SMYD3: variants seen among roughly 807,000 people sequenced by gnomAD.
SMYD3 encodes the protein SET and MYND domain containing 3.
A neutral mutation model predicts 57.7 loss-of-function variants in SMYD3; 36 were observed. The ratio of observed to expected loss-of-function variants is 0.62; its 90% CI spans 0.48 to 0.82. SMYD3 has a LOEUF of 0.82. Ranked by LOEUF, SMYD3 falls within the 40% of genes least tolerant of loss-of-function variation. SMYD3 has a pLI of 0.00. For missense variants in SMYD3, 515 were observed against 538.8 expected, an observed-to-expected ratio of 0.96 and a Z score of 0.44; for synonymous variants, 211 against 195.0, an observed-to-expected ratio of 1.08 and a Z score of -0.68.
intron 11 of SMYD3, among the ~76,000 whole-genome samples, chr1:245,759,891 G>GA (rs902194107): frequency 4.7e-5 from 7 of 150,432 alleles, no homozygotes; most frequent in African/African-American, 1.2e-4. Flanking sequence ...GGGTTCACAG[G>GA]AAAAAAAACA....
intron 8 of SMYD3, among the ~76,000 whole-genome samples, chr1:245,866,335 T>A (rs1441980947): frequency 1.3e-5 from 2 of 150,622 alleles, no homozygotes; most frequent in Non-Finnish European, 2.9e-5. Flanking sequence ...TATAGTAGAG[T>A]GGATTTTAAA....
intron 1 of SMYD3, among the ~76,000 whole-genome samples, chr1:246,449,556 T>C (rs2067600572): frequency 6.6e-6 from 1 of 152,214 alleles, no homozygotes; most frequent in African/African-American, 2.4e-5. Context: ...ATGCAAGTTC[T>C]ATAATCTCTT....
At chr1:246,042,250 G>A (rs1383045363) in intron 5 of SMYD3, among the ~76,000 whole-genome samples, 3 of 152,064 alleles carry the variant, frequency 2.0e-5, no homozygotes, top group African/African-American at 4.8e-5. Flanking sequence ...AAATACTTAC[G>A]TTTCTCTGGA....
chr1:245,774,917 G>C (rs1464944707), intron 10 of SMYD3, among the ~76,000 whole-genome samples: 1 of 152,164 alleles, frequency 6.6e-6, no homozygotes, highest in African/African-American at 2.4e-5. Flanking sequence ...TGGCCGGGCT[G>C]GTCTCCAGCT....
chr1:246,481,223 T>C (rs1345943825), intron 1 of SMYD3, among the ~76,000 whole-genome samples: 3 of 152,144 alleles, frequency 2.0e-5, no homozygotes, highest in African/African-American at 7.2e-5. Flanking sequence ...TCTGTAATGG[T>C]TGATTTCACA....
intron 5 of SMYD3, among the ~76,000 whole-genome samples, chr1:246,273,138 T>TTTTTC (rs2064254985): frequency 7.9e-6 from 1 of 126,736 alleles, no homozygotes; most frequent in African/African-American, 3.6e-5. Context: ...CTGTTTTCTT[T>TTTTTC]TTTTTTTTTT....
intron 8 of SMYD3, among the ~76,000 whole-genome samples, chr1:245,897,773 G>A (rs931001756): frequency 1.4e-4 from 22 of 151,896 alleles, no homozygotes; most frequent in Non-Finnish European, 2.5e-4. Flanking sequence ...GGTGCGCGGC[G>A]CCTGTAATCC....
At chr1:245,837,510 G>A (rs893363105) in intron 10 of SMYD3, among the ~76,000 whole-genome samples, 3 of 152,114 alleles carry the variant, frequency 2.0e-5, no homozygotes, top group African/African-American at 4.8e-5. Flanking sequence ...TCCTGCAGTC[G>A]TGGGAGATGA....
intron 10 of SMYD3, among the ~76,000 whole-genome samples, chr1:245,797,828 CAA>C (rs559088835): frequency 0.41 from 45,188 of 109,338 alleles, 9,625 homozygotes; most frequent in Middle Eastern, 0.55. Flanking sequence ...TTCCGGGTTC[CAA>C]AAAAAAAAAA....
intron 5 of SMYD3, among the ~76,000 whole-genome samples, chr1:246,102,755 AAAT>A (rs1553289393): frequency 8.2e-5 from 12 of 147,002 alleles, no homozygotes; most frequent in East Asian, 6.0e-4. Context: ...AAAAAAAAAA[AAAT>A]AATAATAATA....
At chr1:245,882,289 T>C (rs141645115) in intron 8 of SMYD3, among the ~76,000 whole-genome samples, 5 of 152,300 alleles carry the variant, frequency 3.3e-5, no homozygotes, top group Non-Finnish European at 7.3e-5. Context: ...AAACACTAGC[T>C]AGGTTTATTA....
chr1:245,998,368 G>C (rs555725274), intron 5 of SMYD3, among the ~76,000 whole-genome samples: 2 of 152,166 alleles, frequency 1.3e-5, no homozygotes, highest in Admixed American at 6.5e-5. Flanking sequence ...ATAATTCTAA[G>C]TCAGTGACCT....
intron 10 of SMYD3, among the ~76,000 whole-genome samples, chr1:245,850,702 C>CA (rs1372453200): frequency 2.0e-5 from 3 of 152,052 alleles, no homozygotes; most frequent in Non-Finnish European, 4.4e-5. Context: ...CCCTGTGTCT[C>CA]AAAAAACAAA....
chr1:245,807,107 G>A (rs561734578), intron 10 of SMYD3, among the ~76,000 whole-genome samples: 2 of 152,016 alleles, frequency 1.3e-5, no homozygotes, highest in East Asian at 3.9e-4. Flanking sequence ...GCACCCACAG[G>A]CTGCATGGTG....
At chr1:246,347,695 T>C (rs1331187894) in intron 2 of SMYD3, among the ~76,000 whole-genome samples, 2 of 152,172 alleles carry the variant, frequency 1.3e-5, no homozygotes, top group African/African-American at 4.8e-5. Flanking sequence ...TGATGCCCTC[T>C]TGTCTCCTGG....
intron 5 of SMYD3, among the ~76,000 whole-genome samples, chr1:246,063,347 G>A (rs1373983523): frequency 2.0e-5 from 3 of 152,106 alleles, no homozygotes; most frequent in Non-Finnish European, 4.4e-5. Context: ...GAGTTCAATC[G>A]CCTGTAGGCA....
At chr1:246,277,912 C>T (rs878923202) in intron 5 of SMYD3, among the ~76,000 whole-genome samples, 3 of 152,146 alleles carry the variant, frequency 2.0e-5, no homozygotes, top group Admixed American at 6.5e-5. Context: ...CTTTTGGGGT[C>T]ACGGAAAGTT....
At chr1:246,132,532 T>C (rs1056931798) in intron 5 of SMYD3, among the ~76,000 whole-genome samples, 4 of 151,972 alleles carry the variant, frequency 2.6e-5, no homozygotes, top group African/African-American at 9.7e-5. Context: ...ACTATAAAAC[T>C]CTCAGGAGAA....
chr1:246,448,444 A>G (rs1449928761), intron 1 of SMYD3, among the ~76,000 whole-genome samples: 1 of 152,100 alleles, frequency 6.6e-6, no homozygotes, highest in Non-Finnish European at 1.5e-5. Flanking sequence ...TTGGCAGGGA[A>G]TACCCATCCC....
Sources: gnomAD v4.1 joint callset for allele counts (sites outside exome capture counted in the v4.1 genomes callset) on GRCh38, gnomAD v4.1.1 for gene constraint, MANE v1.5 for transcripts, NCBI Gene and HGNC (gene_info 2026-07-23, HGNC 2026-07-21) for gene names.